Variants in INTS3 observed in about 807,000 individuals in gnomAD.
INTS3 encodes integrator complex subunit 3, also known as SOSS complex subunit A.
INTS3 carries 34 observed loss-of-function variants against 146.3 expected under a neutral mutation model. The observed-to-expected ratio is 0.23, with a 90% confidence interval of 0.18 to 0.31. INTS3 has a LOEUF of 0.31. Among genes scored for constraint, INTS3 ranks in the 10% least tolerant of loss-of-function variants. INTS3 has a pLI of 1.00. For synonymous variants in INTS3, 475 were observed against 494.9 expected (o/e 0.96, Z 0.53); for missense variants, 757 against 1,304.2 (o/e 0.58, Z 6.46).
intron 5 of INTS3, chr1:153,747,574 C>T (rs1474197814): frequency 1.7e-6 from 1 of 591,658 alleles, no homozygotes; most frequent in African/African-American, 1.9e-5. Context: ...AGTCTTGCCT[C>T]ATTTTCTTTC....
intron 19 of INTS3, 56 bp downstream of exon 19, chr1:153,764,790 A>T: frequency 6.5e-7 from 1 of 1,527,956 alleles, no homozygotes; most frequent in African/African-American, 1.4e-5. Flanking sequence ...CTGACAGCAC[A>T]CACATGTGCT....
rs201599454 is a variant in INTS3 at position 153,773,583 on chromosome 1, A to G, written c.*313A>G. On this transcript the variant is annotated 3_prime_UTR_variant, in exon 30 of 30. Coordinates refer to ENST00000318967, the MANE Select transcript of INTS3 (RefSeq NM_023015.5). Reference sequence around the variant, plus strand: ...CCTCAGCCCCCTGGCCCCTTCCGCAATCTCCTCCCCCAGTCTCCCAAAGAG... The same window carrying G: ...CCTCAGCCCCCTGGCCCCTTCCGCAGTCTCCTCCCCCAGTCTCCCAAAGAG... 3.7e-4 allele frequency: 172 copies of G among 462,186 alleles called. No individual in the cohort carries two copies. Among genetic ancestry groups the G allele is most frequent in the African/African-American group, 7.6e-4 (39 of 51,612 alleles). The allele number at this position is 462,186 out of a possible 1,614,324, so 28.6% of individuals were successfully genotyped here. A position where few individuals can be genotyped will look rare whatever the true frequency, so the allele number is the denominator to read the frequency against.
At chr1:153,740,844 A>C (rs1006853357) in intron 2 of INTS3, 110 bp downstream of exon 2, 1 of 850,180 alleles carries the variant, frequency 1.2e-6, no homozygotes, top group Admixed American at 1.8e-5. Context: ...GAAATTCATC[A>C]AGTCTTGGCT....
At chr1:153,770,653 C>A (rs751315444) in intron 24 of INTS3, 32 bp from the exon 25 acceptor site, 2 of 1,591,198 alleles carry the variant, frequency 1.3e-6, no homozygotes, top group Middle Eastern at 1.7e-4. Flanking sequence ...ATCATACCTT[C>A]CCCCTGAACA....
intron 23 of INTS3, 118 bp from the exon 24 acceptor site, chr1:153,770,058 GGTGTGTGTGTGTGTGTGTGTGT>G (rs55766761): frequency 1.0e-4 from 46 of 444,226 alleles, no homozygotes; most frequent in African/African-American, 5.5e-4. Flanking sequence ...AGTGGATTGG[GGTGTGTGTGTGTGTGTGTGTGT>G]GTGTGTGTGT....
At chr1:153,763,649 G>T (rs1341319968) in intron 16 of INTS3, among the ~76,000 whole-genome samples, 183 bp from the exon 17 acceptor site, 1 of 152,132 alleles carries the variant, frequency 6.6e-6, no homozygotes, top group Non-Finnish European at 1.5e-5. Flanking sequence ...CTTTTCTTTG[G>T]GCCTCTGCCC....
Position 153,773,994 on chromosome 1 carries a change from TTTTGTTTTTTTTTG to T in INTS3, c.*728_*741del, listed in dbSNP as rs1461042106. ...CCCATTTCCTTGAGTCTGTTTTTTT[TTTTGTTTTTTTTTG>T]TTTTTTTTTTGGCAGAGATAATCGT... On this transcript the variant is annotated 3_prime_UTR_variant, in exon 30 of 30. Transcript: ENST00000318967. 35 of 165,268 alleles carry T rather than the reference TTTTGTTTTTTTTTG, an allele frequency of 2.1e-4. No individual in the cohort carries two copies. Among genetic ancestry groups the T allele is most frequent in the African/African-American group, 8.5e-4 (34 of 40,188 alleles). 10.2% of individuals were successfully genotyped at this position (165,268 alleles called of 1,614,324 possible).
At chr1:153,748,533 A>G (rs1211979457) in intron 5 of INTS3, 156 bp from the exon 6 acceptor site, 1 of 715,702 alleles carries the variant, frequency 1.4e-6, no homozygotes, top group Non-Finnish European at 2.6e-6. Context: ...GTGAAACTTT[A>G]AAGCCTGACA....
intron 3 of INTS3, among the ~76,000 whole-genome samples, chr1:153,745,669 A>T (rs1453575334): frequency 6.6e-6 from 1 of 152,036 alleles, no homozygotes; most frequent in East Asian, 1.9e-4. Flanking sequence ...AAAAAAAAAA[A>T]ACTAAGGGGG....
chr1:153,771,116 C>T (rs1365176904), intron 25 of INTS3, among the ~76,000 whole-genome samples: 6 of 152,118 alleles, frequency 3.9e-5, no homozygotes, highest in Middle Eastern at 3.4e-3. Flanking sequence ...AGAGGGGTCA[C>T]GCACCATCCT....
At chr1:153,747,438 T>C in intron 5 of INTS3, 75 bp downstream of exon 5, 1 of 1,131,894 alleles carries the variant, frequency 8.8e-7, no homozygotes, top group Non-Finnish European at 1.3e-6. Context: ...GGAGAATGAT[T>C]AAGTGCCAAA....
In INTS3 at chr1:153,757,494, T is replaced by G; in HGVS notation, c.958-78T>G. ...TAGAGGTCTAGGGCAAACCTAGAGT[T>G]AAGTGGTGCTCGTTTTCCTCTGGCC... is the stretch of plus-strand genomic sequence containing the variant. On this transcript the variant is annotated intron_variant, in intron 9 of 29. Coordinates refer to ENST00000318967, the MANE Select transcript of INTS3 (RefSeq NM_023015.5). The surrounding 1 kb of genome is among the most constrained non-coding windows in gnomAD (Gnocchi z 4.0). The G allele has an allele frequency of 7.9e-7, 1 of 1,269,466 alleles. No homozygotes were observed. Among genetic ancestry groups the G allele is most frequent in the Non-Finnish European group, 1.1e-6 (1 of 885,516 alleles). 78.6% of individuals were successfully genotyped at this position (1,269,466 alleles called of 1,614,324 possible).
chr1:153,755,366 T>A (rs1200255986), intron 9 of INTS3, among the ~76,000 whole-genome samples: 1 of 152,138 alleles, frequency 6.6e-6, no homozygotes, highest in East Asian at 1.9e-4. Context: ...TGGGTTCAAG[T>A]GATTCTCCTG....
intron 2 of INTS3, among the ~76,000 whole-genome samples, chr1:153,741,002 A>G (rs1033193680): frequency 1.3e-5 from 2 of 152,176 alleles, no homozygotes; most frequent in Admixed American, 6.6e-5. Flanking sequence ...GTTCACAGGC[A>G]TGATTATAGT....
intron 9 of INTS3, among the ~76,000 whole-genome samples, chr1:153,756,633 TG>T (rs1038182274): frequency 5.9e-5 from 9 of 151,968 alleles, no homozygotes; most frequent in Non-Finnish European, 1.0e-4. Context: ...CTGACCAACA[TG>T]GTGAAACCCC....
At chr1:153,736,385 C>G (rs1334673365) in intron 1 of INTS3, among the ~76,000 whole-genome samples, 4 of 152,072 alleles carry the variant, frequency 2.6e-5, no homozygotes, top group Non-Finnish European at 2.9e-5. Context: ...ACCTTATGCT[C>G]TTACACAGGA....
Position 153,764,192 on chromosome 1 carries a change from G to A in INTS3, c.1896G>A (p.Gly632=). The change falls in exon 18 of 30, where the codon GGG becomes GGA. Residue 632 remains glycine, a synonymous_variant. Transcript: ENST00000318967. ...LQELFKAHFR[G]EVLPEEITEE... is the part of the protein sequence containing the mutation. ...AGCTCTTCAAGGCCCACTTTCGAGG[G>A]GAGGTCCTGCCTGAGGAGATTACTG... 1 of 1,613,904 alleles carries A rather than the reference G, an allele frequency of 6.2e-7. No individual in the cohort carries two copies. The highest frequency in any genetic ancestry group is 8.5e-7 in the Non-Finnish European group (1 of 1,179,806).
chr1:153,742,593 G>A (rs1671580255), intron 3 of INTS3, among the ~76,000 whole-genome samples: 1 of 151,962 alleles, frequency 6.6e-6, no homozygotes, highest in Non-Finnish European at 1.5e-5. Flanking sequence ...AGTCTTGCCT[G>A]CTGGAAAGTT....
At position 153,770,327 on chromosome 1, in the gene INTS3, G is replaced by A; in HGVS notation, c.2503+16G>A. On this transcript the variant is annotated intron_variant, in intron 24 of 29. Coordinates refer to ENST00000318967, the MANE Select transcript of INTS3 (RefSeq NM_023015.5). ...AAATACAAGGGTGAGTAGGCTTTTG[G>A]GTAGGGAGCACATCAGATATGACAC... 1 of 1,455,680 alleles carries A rather than the reference G, an allele frequency of 6.9e-7. No homozygotes were observed. Among genetic ancestry groups the A allele is most frequent in the Non-Finnish European group, 9.7e-7 (1 of 1,035,566 alleles). The allele number at this position is 1,455,680 out of a possible 1,614,324, so 90.2% of individuals were successfully genotyped here. A position where few individuals can be genotyped will look rare whatever the true frequency, so the allele number is the denominator to read the frequency against.
Sources: gnomAD v4.1 joint callset for allele counts (sites outside exome capture counted in the v4.1 genomes callset) on GRCh38, gnomAD v4.1.1 for gene constraint, Gnocchi (gnomAD v3.1) non-coding constraint, MANE v1.5 for transcripts, NCBI Gene and HGNC (gene_info 2026-07-23, HGNC 2026-07-21) for gene names.